The following NAV2 variants were observed in gnomAD, a reference collection of about 807,000 sequenced individuals.
NAV2 encodes neuron navigator 2.
A neutral mutation model predicts 223.2 loss-of-function variants in NAV2; 54 were observed. The observed-to-expected ratio is 0.24, with a 90% CI of 0.19 to 0.30. The LOEUF (loss-of-function observed/expected upper bound fraction) is 0.30, where lower values mean the gene tolerates loss of function less well. Ranked by LOEUF, NAV2 falls within the 10% of genes least tolerant of loss-of-function variation. NAV2 has a pLI of 1.00. For synonymous variants in NAV2, 1,279 were observed against 1,239.3 expected, an observed-to-expected ratio of 1.03 and a Z score of -0.67; for missense variants, 2,806 against 3,147.5, an observed-to-expected ratio of 0.89 and a Z score of 2.60.
At chr11:19,738,734 AAAG>A (rs2052547358) in intron 1 of NAV2, among the ~76,000 whole-genome samples, 3 of 152,120 alleles carry the variant, frequency 2.0e-5, no homozygotes. Flanking sequence ...AAGGCTCTTT[AAAG>A]GTGTTTTAAT....
chr11:19,827,095 C>A (rs546514265), intron 1 of NAV2, among the ~76,000 whole-genome samples: 2 of 152,244 alleles, frequency 1.3e-5, no homozygotes, highest in East Asian at 3.9e-4. Flanking sequence ...TGGCCTCAGG[C>A]AGCAGAGGCA....
rs11025368 is a variant in NAV2 at position 20,070,592 on chromosome 11, G to A, written c.4983+2194G>A. Among the ~76,000 whole-genome samples, 849 of 152,248 alleles carry A rather than the reference G, an allele frequency of 5.6e-3. 2 individuals carry two copies. The highest frequency in any genetic ancestry group is 0.032 in the East Asian group (164 of 5,166). On this transcript the variant is annotated intron_variant, in intron 22 of 37. Transcript: ENST00000349880. ...TTTAAAGTAAATATTTAGTCTTACCGCACACTGCTGGAAGGGTGAACATGT... is the reference window on the plus strand; with the variant it reads ...TTTAAAGTAAATATTTAGTCTTACCACACACTGCTGGAAGGGTGAACATGT...
intron 11 of NAV2, among the ~76,000 whole-genome samples, chr11:20,001,008 C>T (rs1051349706): frequency 1.3e-5 from 2 of 152,170 alleles, no homozygotes; most frequent in African/African-American, 4.8e-5. Context: ...CTTTGTGGCT[C>T]TGTGTCACAT....
chr11:19,647,320 C>T (rs906311361), intron 1 of NAV2, among the ~76,000 whole-genome samples: 2 of 152,136 alleles, frequency 1.3e-5, no homozygotes, highest in Non-Finnish European at 2.9e-5. Flanking sequence ...GAGTAGTCCT[C>T]AGATCATACC....
At chr11:19,541,738 C>T (rs996156297) in intron 1 of NAV2, among the ~76,000 whole-genome samples, 11 of 152,170 alleles carry the variant, frequency 7.2e-5, no homozygotes, top group Admixed American at 1.3e-4. Flanking sequence ...GATTTGTGGG[C>T]CTCGCTGGAG....
chr11:20,074,464 A>C (rs34477711), intron 22 of NAV2, among the ~76,000 whole-genome samples: 51,106 of 151,938 alleles, frequency 0.34, 9,763 homozygotes, highest in African/African-American at 0.51. Flanking sequence ...TGGTCCAGAG[A>C]TGAGCTCAAG....
At chr11:19,390,285 C>T (rs1052038328) in intron 1 of NAV2, among the ~76,000 whole-genome samples, 3 of 152,070 alleles carry the variant, frequency 2.0e-5, no homozygotes, top group African/African-American at 7.2e-5. Context: ...GTCCTGGGCC[C>T]ACAGTTTTCT....
At chr11:19,575,591 C>G (rs554206810) in intron 1 of NAV2, among the ~76,000 whole-genome samples, 2 of 152,344 alleles carry the variant, frequency 1.3e-5, no homozygotes, top group South Asian at 4.1e-4. Flanking sequence ...GATTCTACCC[C>G]CCTATGCAAG....
chr11:20,031,485 A>G (rs1403275635), intron 11 of NAV2, among the ~76,000 whole-genome samples: 3 of 152,172 alleles, frequency 2.0e-5, no homozygotes, highest in Admixed American at 1.3e-4. Flanking sequence ...ACGTTTCCCC[A>G]TTAGTTAGCA....
intron 6 of NAV2, among the ~76,000 whole-genome samples, chr11:19,917,910 C>T (rs1380748204): frequency 2.6e-5 from 4 of 152,242 alleles, no homozygotes. Flanking sequence ...ATCCACTGCA[C>T]CTGGCCAGGT....
chr11:19,527,953 C>T (rs2043895737), intron 1 of NAV2, among the ~76,000 whole-genome samples: 1 of 151,870 alleles, frequency 6.6e-6, no homozygotes, highest in East Asian at 1.9e-4. Context: ...CACACACACA[C>T]ACACACACAC....
intron 1 of NAV2, among the ~76,000 whole-genome samples, chr11:19,425,529 G>A (rs1039312808): frequency 2.4e-4 from 37 of 152,302 alleles, no homozygotes; most frequent in African/African-American, 7.2e-4. Flanking sequence ...AATTAGAGGG[G>A]CATGTAGCCA....
intron 29 of NAV2, among the ~76,000 whole-genome samples, chr11:20,093,836 A>C (rs1377129208): frequency 1.3e-5 from 2 of 152,190 alleles, no homozygotes; most frequent in Non-Finnish European, 2.9e-5. Flanking sequence ...GCTGATATTG[A>C]AAGTTGAATT....
At chr11:19,625,157 C>G (rs1005091685) in intron 1 of NAV2, among the ~76,000 whole-genome samples, 17 of 152,146 alleles carry the variant, frequency 1.1e-4, no homozygotes, top group African/African-American at 3.6e-4. Flanking sequence ...GAACACTAGA[C>G]TTTATTTTTC....
intron 3 of NAV2, among the ~76,000 whole-genome samples, chr11:19,851,213 G>A (rs2061100058): frequency 6.6e-6 from 1 of 152,168 alleles, no homozygotes; most frequent in Non-Finnish European, 1.5e-5. Context: ...GCTAGTAAGT[G>A]GCAAGCTGGG....
intron 1 of NAV2, among the ~76,000 whole-genome samples, chr11:19,806,456 G>A (rs2058565445): frequency 6.6e-6 from 1 of 152,152 alleles, no homozygotes; most frequent in Admixed American, 6.5e-5. Context: ...TCAGGCCTGG[G>A]GCCAGGGAGA....
intron 10 of NAV2, 135 bp from the exon 11 acceptor site, chr11:19,983,990 C>A (rs1214125735): frequency 8.8e-7 from 1 of 1,129,952 alleles, no homozygotes; most frequent in Non-Finnish European, 1.3e-6. Context: ...GTGATCAGTG[C>A]CAGAGCCTCA....
At chr11:20,028,569 T>C (rs534762032) in intron 11 of NAV2, among the ~76,000 whole-genome samples, 1 of 152,342 alleles carries the variant, frequency 6.6e-6, no homozygotes, top group Admixed American at 6.5e-5. Context: ...CTGATCTGTA[T>C]GTACTATAGC....
At chr11:19,666,723 C>T (rs2058901880) in intron 1 of NAV2, among the ~76,000 whole-genome samples, 1 of 152,080 alleles carries the variant, frequency 6.6e-6, no homozygotes, top group African/African-American at 2.4e-5. Context: ...CTTGAATGTC[C>T]CTCTTGCTCA....
Sources: allele counts gnomAD v4.1 joint callset (sites outside exome capture counted in the v4.1 genomes callset), GRCh38; gene constraint gnomAD v4.1.1; transcripts MANE v1.5; gene names NCBI Gene and HGNC (gene_info 2026-07-23, HGNC 2026-07-21).